ASXL2: variants seen among roughly 807,000 people sequenced by gnomAD.
ASXL2 encodes putative Polycomb group protein ASXL2.
Under a neutral mutation model 122.0 loss-of-function variants are expected in ASXL2, and 23 were observed. The ratio of observed to expected loss-of-function variants is 0.19; its 90% CI spans 0.14 to 0.27. The LOEUF is 0.27. Among genes scored for constraint, ASXL2 ranks in the 10% least tolerant of loss-of-function variants. ASXL2 has a pLI of 1.00. For synonymous variants in ASXL2, 650 were observed against 637.0 expected (o/e 1.02, Z -0.31); for missense variants, 1,518 against 1,713.8 (o/e 0.89, Z 2.02).
rs1018955102 is a variant in ASXL2 at position 25,744,611 on chromosome 2, C to T, written c.1861-135G>A. 15 of 1,024,308 alleles carry T rather than the reference C, an allele frequency of 1.5e-5. No individual in the cohort carries two copies. The highest frequency in any genetic ancestry group is 5.9e-5 in the Admixed American group (2 of 33,914). 63.5% of individuals were successfully genotyped at this position (1,024,308 alleles called of 1,614,324 possible). ...GTGACAAACATGGGTGGTCTATGGC[C>T]GAGAGGCCAAACCTTGGAGACAGCA... On this transcript the variant is annotated intron_variant, in intron 12 of 12. Transcript: ENST00000435504. This position sits in a 1 kb window ranked among gnomAD's most constrained non-coding sequence, Gnocchi z 4.7.
In ASXL2 at chr2:25,743,189, C is replaced by T. The variant is rs1366975796; in HGVS notation, c.3148G>A (p.Asp1050Asn). The stretch of plus-strand genomic sequence containing the variant: ...AGTCCTTCGTGGTATTGGTGTGTGT[C>T]AATGCTGGAGTCCCTCAGCTCCTTA... ...SAKELRDSSI[D>N]THQYHEGLSK... is the part of the protein sequence containing the mutation. The change falls in exon 13 of 13, where the codon GAC (aspartate) becomes AAC (asparagine). Residue 1050 changes from aspartate (D) to asparagine (N), a missense_variant. By Grantham distance (23) the Asp-to-Asn change is conservative (BLOSUM62 1). Transcript: ENST00000435504. 7.4e-6 allele frequency: 12 copies of T among 1,613,840 alleles called. No homozygotes were observed. The highest frequency in any genetic ancestry group is 1.0e-5 in the Non-Finnish European group (12 of 1,179,898).
In ASXL2 at chr2:25,767,731, G is replaced by T. The variant is rs1338582610; in HGVS notation, c.632-5C>A. 6.2e-7 allele frequency: 1 copy of T among 1,612,704 alleles called. No homozygotes were observed. The highest frequency in any genetic ancestry group is 8.5e-7 in the Non-Finnish European group (1 of 1,179,448). ...ATTGCTTTCCTTCCCATGTTGCTAG[G>T]AGAAAAAAATACGTATAAAGACTGG... On this transcript the variant is annotated splice_polypyrimidine_tract_variant and splice_region_variant and intron_variant, in intron 7 of 12. Transcript: ENST00000435504.
intron 5 of ASXL2, among the ~76,000 whole-genome samples, chr2:25,799,144 T>C (rs2088957233): frequency 6.6e-6 from 1 of 152,246 alleles, no homozygotes; most frequent in South Asian, 2.1e-4. Context: ...TTTAAATTCC[T>C]TGGTCATAAT....
intron 8 of ASXL2, among the ~76,000 whole-genome samples, chr2:25,761,277 G>A (rs1407672906): frequency 1.3e-5 from 2 of 152,146 alleles, no homozygotes; most frequent in East Asian, 3.9e-4. Flanking sequence ...TTCCAAAGAG[G>A]ACAGAAAGAA....
chr2:25,757,921 C>CAAAAAAAAAAAAAA (rs10524530), intron 9 of ASXL2, among the ~76,000 whole-genome samples: 1 of 127,356 alleles, frequency 7.9e-6, no homozygotes, highest in Non-Finnish European at 1.7e-5. Flanking sequence ...GAGTCTTTAA[C>CAAAAAAAAAAAAAA]AAAAAAAAAA....
chr2:25,854,545 A>T (rs565532667), intron 1 of ASXL2, among the ~76,000 whole-genome samples: 63 of 152,376 alleles, frequency 4.1e-4, no homozygotes, highest in African/African-American at 1.4e-3. Flanking sequence ...TTCCTCAAAA[A>T]GAAGAGCCAA....
chr2:25,757,364 C>T (rs542750551), intron 9 of ASXL2, among the ~76,000 whole-genome samples: 16 of 151,434 alleles, frequency 1.1e-4, no homozygotes, highest in African/African-American at 1.5e-4. Context: ...CCTGGCTGGG[C>T]GCGGTGGCTC....
intron 12 of ASXL2, among the ~76,000 whole-genome samples, chr2:25,748,903 C>A (rs1450742855): frequency 6.6e-6 from 1 of 152,230 alleles, no homozygotes; most frequent in Non-Finnish European, 1.5e-5. Flanking sequence ...AAGTTAATCA[C>A]ATGCTAAGCA....
intron 12 of ASXL2, among the ~76,000 whole-genome samples, chr2:25,745,927 T>C (rs1348552269): frequency 6.6e-6 from 1 of 152,140 alleles, no homozygotes; most frequent in African/African-American, 2.4e-5. Flanking sequence ...ATTACAGGCG[T>C]GAGCCACCAC....
At chr2:25,784,672 T>C (rs1177186463) in intron 5 of ASXL2, among the ~76,000 whole-genome samples, 3 of 152,230 alleles carry the variant, frequency 2.0e-5, no homozygotes, top group South Asian at 2.1e-4. Flanking sequence ...CCTTGGGTTA[T>C]AGCAGCATCA....
At position 25,807,905 on chromosome 2, in the gene ASXL2, T is replaced by C. The variant is rs184798000; in HGVS notation, c.144-1568A>G. Among the ~76,000 whole-genome samples, 141 of 151,984 alleles carry C rather than the reference T, an allele frequency of 9.3e-4. 1 individual carries two copies. Among genetic ancestry groups the C allele is most frequent in the African/African-American group, 3.3e-3 (137 of 41,438 alleles). On this transcript the variant is annotated intron_variant, in intron 3 of 12. Transcript: ENST00000435504. ...TTTCCTGTGAAACAACTTTTCTCAC[T>C]TTCAGTCATGTGGTTGAGAGGGACT...
At chr2:25,812,922 T>G (rs183239717) in intron 3 of ASXL2, among the ~76,000 whole-genome samples, 14 of 152,292 alleles carry the variant, frequency 9.2e-5, no homozygotes, top group Admixed American at 7.8e-4. Context: ...TATTACACCG[T>G]TTTTACAAAT....
intron 1 of ASXL2, among the ~76,000 whole-genome samples, chr2:25,877,489 C>T (rs1341951779): frequency 6.6e-6 from 1 of 152,048 alleles, no homozygotes; most frequent in South Asian, 2.1e-4. Context: ...ACGTGAAGGC[C>T]GGGTAAACTA....
In ASXL2 at chr2:25,740,107, A is replaced by C. The variant is rs557995306; in HGVS notation, c.*1922T>G. 14 of 225,966 alleles carry C rather than the reference A, an allele frequency of 6.2e-5. No individual in the cohort carries two copies. Among genetic ancestry groups the C allele is most frequent in the Non-Finnish European group, 1.2e-4 (14 of 113,566 alleles). 14.0% of individuals were successfully genotyped at this position (225,966 alleles called of 1,614,324 possible). A position where few individuals can be genotyped will look rare whatever the true frequency, so the allele number is the denominator to read the frequency against. Reference sequence around the variant, plus strand: ...CTGTGTGTGCTGGAAGAAAGGAGAAAGATGGACAGACATATCGTTCTGGCT... The same window carrying C: ...CTGTGTGTGCTGGAAGAAAGGAGAACGATGGACAGACATATCGTTCTGGCT... On this transcript the variant is annotated 3_prime_UTR_variant, in exon 13 of 13. Transcript: ENST00000435504.
Position 25,742,888 on chromosome 2 carries a change from A to G in ASXL2, c.3449T>C (p.Phe1150Ser). Residue 1150 changes from phenylalanine (F) to serine (S), a missense_variant, in exon 13 of 13, where the codon TTT becomes TCT. Transcript: ENST00000435504. ...RTHSVNPEDRFCLSSPTEALK... is the reference protein window; with the variant it reads ...RTHSVNPEDRSCLSSPTEALK... ...GGCTTCAGTGGGGCTGCTTAGACAA[A>G]AACGATCTTCAGGGTTTACAGAATG... The G allele has an allele frequency of 6.2e-7, 1 of 1,614,004 alleles. No homozygotes were observed. The highest frequency in any genetic ancestry group is 8.5e-7 in the Non-Finnish European group (1 of 1,179,886).
chr2:25,841,641 G>A (rs2149191271), intron 2 of ASXL2, among the ~76,000 whole-genome samples: 1 of 152,210 alleles, frequency 6.6e-6, no homozygotes, highest in Middle Eastern at 3.4e-3. Flanking sequence ...GAGGTCAGGA[G>A]TTCGAGACCA....
chr2:25,837,940 A>T (rs2089532434), intron 2 of ASXL2, among the ~76,000 whole-genome samples: 2 of 148,896 alleles, frequency 1.3e-5, no homozygotes, highest in South Asian at 4.3e-4. Context: ...AACATGGCAA[A>T]ACCCTGTCTC....
Position 25,753,211 on chromosome 2 carries a change from C to T in ASXL2, c.1142+323G>A, listed in dbSNP as rs534410819. 6.1e-5 allele frequency among the ~76,000 whole-genome samples: 9 copies of T among 147,710 alleles called. No homozygotes were observed. The South Asian group carries it at 1.5e-3, about 25-fold the overall frequency. On this transcript the variant is annotated intron_variant, in intron 11 of 12. Transcript: ENST00000435504. ...TCTCGAACTCCTGACCTCAGGAGTT[C>T]GCCTCGGCCTCCCAAAGTGCTGGGG...
chr2:25,787,707 G>A (rs1202784450), intron 5 of ASXL2, among the ~76,000 whole-genome samples: 1 of 152,176 alleles, frequency 6.6e-6, no homozygotes, highest in African/African-American at 2.4e-5. Flanking sequence ...GCAAAGACCT[G>A]TAAGACAGAA....
Sources: allele counts gnomAD v4.1 joint callset (sites outside exome capture counted in the v4.1 genomes callset), GRCh38; gene constraint gnomAD v4.1.1; non-coding constraint Gnocchi (gnomAD v3.1); transcripts MANE v1.5; gene names NCBI Gene and HGNC (gene_info 2026-07-23, HGNC 2026-07-21).